ITIH2: variants seen among roughly 807,000 people sequenced by gnomAD.
The protein encoded by ITIH2 is inter-alpha-trypsin inhibitor heavy chain 2, also known as inter-alpha-trypsin inhibitor heavy chain H2.
In ITIH2, 103 loss-of-function variants were observed where a neutral mutation model predicts 104.4. That is an observed-to-expected ratio of 0.99 (90% confidence interval 0.84 to 1.16). ITIH2 has a LOEUF of 1.16. Among genes scored for constraint, ITIH2 ranks in the 50% most tolerant of loss-of-function variants. ITIH2 has a pLI of 0.00. For missense variants in ITIH2, 1,108 were observed against 1,162.4 expected, an observed-to-expected ratio of 0.95 and a Z score of 0.68; for synonymous variants, 436 against 435.4, an observed-to-expected ratio of 1.00 and a Z score of -0.02.
chr10:7,721,529 A>G (rs1421199082), intron 7 of ITIH2, 120 bp from the exon 8 acceptor site: 35 of 847,048 alleles, frequency 4.1e-5, no homozygotes, highest in Non-Finnish European at 6.0e-5. Context: ...GTCCACCGAT[A>G]TCGCGGGGAT....
rs774349731 is a variant in ITIH2 at position 7,720,815 on chromosome 10, A to G, written c.631-41A>G. On this transcript the variant is annotated intron_variant, in intron 6 of 20. Coordinates refer to ENST00000358415, the MANE Select transcript of ITIH2 (RefSeq NM_002216.3). ...TACTTCTTGCTTAAAAAGACTTTAA[A>G]GACTTTTAATGCTTTGGGTAATTTT... is the stretch of plus-strand genomic sequence containing the variant. The G allele has an allele frequency of 5.6e-6, 7 of 1,244,468 alleles. 1 individual carries two copies. The East Asian group carries it at 1.6e-4, about 29-fold the overall frequency. The allele number at this position is 1,244,468 out of a possible 1,614,324, so 77.1% of individuals were successfully genotyped here.
At chr10:7,734,637 G>C (rs758890262) in intron 14 of ITIH2, among the ~76,000 whole-genome samples, 1 of 152,226 alleles carries the variant, frequency 6.6e-6, no homozygotes, top group African/African-American at 2.4e-5. Flanking sequence ...TGAGGCTGCA[G>C]AGAACCGTGA....
intron 5 of ITIH2, among the ~76,000 whole-genome samples, chr10:7,714,165 ATTTTT>A (rs996413668): frequency 5.9e-5 from 5 of 84,044 alleles, no homozygotes; most frequent in African/African-American, 2.0e-4. Flanking sequence ...CACACTCACT[ATTTTT>A]TTTTTTTTTT....
chr10:7,714,840 A>C (rs1191166914), intron 5 of ITIH2, among the ~76,000 whole-genome samples: 1 of 152,196 alleles, frequency 6.6e-6, no homozygotes, highest in Non-Finnish European at 1.5e-5. Context: ...GCTGAGCCCA[A>C]GTAGATTACA....
intron 8 of ITIH2, among the ~76,000 whole-genome samples, 174 bp downstream of exon 8, chr10:7,721,951 TG>T (rs1298517848): frequency 6.6e-6 from 1 of 152,154 alleles, no homozygotes; most frequent in Non-Finnish European, 1.5e-5. Context: ...TTATCTTTTA[TG>T]TATTAAAAAC....
intron 14 of ITIH2, among the ~76,000 whole-genome samples, chr10:7,733,007 A>G (rs10905224): frequency 0.14 from 21,707 of 152,136 alleles, 2,967 homozygotes; most frequent in African/African-American, 0.36. Flanking sequence ...GATTACAGGC[A>G]TGAGCCACCG....
intron 11 of ITIH2, among the ~76,000 whole-genome samples, chr10:7,728,898 AG>A (rs1167958023): frequency 6.6e-6 from 1 of 152,188 alleles, no homozygotes; most frequent in East Asian, 1.9e-4. Context: ...ATTAATAACG[AG>A]ACTAGAATGA....
chr10:7,743,548 C>T (rs1225217654), intron 17 of ITIH2, among the ~76,000 whole-genome samples: 3 of 151,832 alleles, frequency 2.0e-5, no homozygotes, highest in South Asian at 2.1e-4. Context: ...CCGAGGTGGG[C>T]GGATCATCTG....
chr10:7,707,987 C>T (rs76476409), intron 3 of ITIH2, among the ~76,000 whole-genome samples: 357 of 152,322 alleles, frequency 2.3e-3, no homozygotes, highest in Middle Eastern at 3.4e-3. Context: ...CATCCTGTGG[C>T]AAGAAAACAG....
intron 16 of ITIH2, among the ~76,000 whole-genome samples, chr10:7,740,658 G>T (rs1403513242): frequency 6.6e-6 from 1 of 152,184 alleles, no homozygotes; most frequent in African/African-American, 2.4e-5. Flanking sequence ...TCTGTTGTAT[G>T]ATGTAGTGAA....
At chr10:7,737,633 ATTC>A (rs1835071479) in intron 15 of ITIH2, among the ~76,000 whole-genome samples, 1 of 105,592 alleles carries the variant, frequency 9.5e-6, no homozygotes, top group African/African-American at 4.1e-5. Flanking sequence ...TATATTCTAT[ATTC>A]TATAGAATAT....
In ITIH2 at chr10:7,709,137, A is replaced by G; in HGVS notation, c.308A>G (p.Asn103Ser). 6.2e-7 allele frequency: 1 copy of G among 1,614,146 alleles called. No homozygotes were observed. The highest frequency in any genetic ancestry group is 1.1e-5 in the South Asian group (1 of 91,084). Reference protein sequence around the residue: ...KVVNNSPQPQNVVFDVQIPKG... With the variant: ...KVVNNSPQPQSVVFDVQIPKG... ...GTGAACAATTCCCCGCAGCCTCAGA[A>G]TGTCGTGTTTGATGTTCAGATCCCC... The change falls in exon 4 of 21, where the codon AAT becomes AGT. Residue 103 changes from asparagine to serine, a missense_variant. Asn to Ser is a conservative substitution (Grantham distance 46). Transcript: ENST00000358415.
intron 4 of ITIH2, among the ~76,000 whole-genome samples, chr10:7,711,511 AT>A (rs1372164754): frequency 2.0e-5 from 3 of 152,104 alleles, no homozygotes; most frequent in Non-Finnish European, 4.4e-5. Flanking sequence ...TTTTATCAAG[AT>A]CTTGAATATT....
chr10:7,721,757 G>T lies in ITIH2; in HGVS notation c.847G>T (p.Glu283Ter). 6.2e-7 allele frequency: 1 copy of T among 1,614,044 alleles called. No homozygotes were observed. Among genetic ancestry groups the T allele is most frequent in the Non-Finnish European group, 8.5e-7 (1 of 1,179,976 alleles). Residue 283 changes from glutamate (E) to a stop codon, truncating the protein, a stop_gained, in exon 8 of 21, where the codon GAG becomes TAG. Coordinates refer to ENST00000358415, the MANE Select transcript of ITIH2 (RefSeq NM_002216.3). LOFTEE classifies it high-confidence loss of function. ...LVVLYDVKRE[E>*]KAGELEVFNG... ...GGTGCTGTATGACGTGAAAAGAGAA[G>T]AGAAGGCTGGTGAACTGGAGGTGAG...
At chr10:7,704,989 G>A (rs1834732251) in intron 1 of ITIH2, 119 bp from the exon 2 acceptor site, 1 of 629,672 alleles carries the variant, frequency 1.6e-6, no homozygotes, top group Non-Finnish European at 2.7e-6. Flanking sequence ...GTTAATGGGT[G>A]TAGCAAACCA....
chr10:7,705,934 A>G (rs1834742969), intron 2 of ITIH2, among the ~76,000 whole-genome samples: 1 of 152,256 alleles, frequency 6.6e-6, no homozygotes, highest in African/African-American at 2.4e-5. Context: ...GGCCACCAGC[A>G]GCAGTATAGA....
chr10:7,727,648 T>C lies in ITIH2; in HGVS notation c.1154-55T>C. 2.5e-6 allele frequency: 4 copies of C among 1,594,336 alleles called. No homozygotes were observed. The South Asian group carries it at 4.5e-5, about 18-fold the overall frequency. ...ATATGAGTCTGAATCCAGAATGGGATTTTCTGCGTGTGGCGAGAACGCATA... is the reference window on the plus strand; with the variant it reads ...ATATGAGTCTGAATCCAGAATGGGACTTTCTGCGTGTGGCGAGAACGCATA... On this transcript the variant is annotated intron_variant, in intron 10 of 20. Coordinates refer to ENST00000358415, the MANE Select transcript of ITIH2 (RefSeq NM_002216.3).
Position 7,744,062 on chromosome 10 carries a change from C to A in ITIH2, c.2210-20C>A. ...ATAAATGGCACAGAAGAGAAAACAT[C>A]ATTTTTTTCTTTCCTGTAGGAATTG... On this transcript the variant is annotated intron_variant, in intron 17 of 20. Transcript: ENST00000358415. 2 of 1,597,392 alleles carry A rather than the reference C, an allele frequency of 1.3e-6. No homozygotes were observed. Among genetic ancestry groups the A allele is most frequent in the South Asian group, 2.2e-5 (2 of 90,270 alleles).
intron 9 of ITIH2, among the ~76,000 whole-genome samples, chr10:7,725,540 G>A (rs1435069169): frequency 6.6e-6 from 1 of 152,184 alleles, no homozygotes; most frequent in East Asian, 1.9e-4. Context: ...ATATCCTGAA[G>A]GGCTAGCTGT....
Sources: gnomAD v4.1 joint callset for allele counts (sites outside exome capture counted in the v4.1 genomes callset) on GRCh38, gnomAD v4.1.1 for gene constraint, MANE v1.5 for transcripts, NCBI Gene and HGNC (gene_info 2026-07-23, HGNC 2026-07-21) for gene names.